Variants in COL4A2 observed in about 807,000 individuals in gnomAD.
The protein encoded by COL4A2 is collagen alpha-2(IV) chain.
A neutral mutation model predicts 200.2 loss-of-function variants in COL4A2; 99 were observed. That is an observed-to-expected ratio of 0.49 (90% CI 0.42 to 0.58). COL4A2 has a LOEUF of 0.58. Ranked by LOEUF, COL4A2 falls within the 20% of genes least tolerant of loss-of-function variation. The pLI is 0.00. For missense variants in COL4A2, 1,950 were observed against 2,314.1 expected (o/e 0.84, Z 3.23); for synonymous variants, 897 against 900.6 (o/e 1.00, Z 0.07).
At chr13:110,468,855 CCTT>C (rs1882352888) in intron 27 of COL4A2, among the ~76,000 whole-genome samples, 1 of 152,176 alleles carries the variant, frequency 6.6e-6, no homozygotes, top group Admixed American at 6.5e-5. Context: ...GGCAGGCGAT[CCTT>C]CTCCCCACTT....
intron 11 of COL4A2, among the ~76,000 whole-genome samples, chr13:110,433,333 C>G (rs1342565927): frequency 6.6e-6 from 1 of 152,234 alleles, no homozygotes; most frequent in Non-Finnish European, 1.5e-5. Flanking sequence ...AAGCCCTGAG[C>G]CCAGGCGTGA....
intron 3 of COL4A2, among the ~76,000 whole-genome samples, chr13:110,352,385 C>A (rs1353168575): frequency 1.3e-5 from 2 of 152,206 alleles, no homozygotes; most frequent in African/African-American, 4.8e-5. Context: ...GCAGCTCTTA[C>A]CAGAATTTAA....
intron 45 of COL4A2, among the ~76,000 whole-genome samples, chr13:110,504,932 A>G (rs1883789333): frequency 6.6e-6 from 1 of 151,988 alleles, no homozygotes; most frequent in Non-Finnish European, 1.5e-5. Context: ...AATTATTTGC[A>G]CATATACAGA....
intron 20 of COL4A2, chr13:110,456,903 C>A (rs765165870): frequency 2.1e-6 from 1 of 478,230 alleles, no homozygotes; most frequent in Non-Finnish European, 4.1e-6. Context: ...TGATGCCGTG[C>A]GTCTGCGTGG....
intron 4 of COL4A2, among the ~76,000 whole-genome samples, chr13:110,365,517 A>C (rs1432483270): frequency 6.6e-6 from 1 of 152,180 alleles, no homozygotes; most frequent in Non-Finnish European, 1.5e-5. Context: ...TTTGTCACAA[A>C]GGGCTCTGTG....
At chr13:110,373,123 A>G (rs999387552) in intron 4 of COL4A2, among the ~76,000 whole-genome samples, 3 of 152,256 alleles carry the variant, frequency 2.0e-5, no homozygotes, top group Admixed American at 1.3e-4. Flanking sequence ...TTTTTCTGCC[A>G]GCACTATGAA....
intron 38 of COL4A2, 55 bp downstream of exon 38, chr13:110,492,232 G>C: frequency 6.8e-7 from 1 of 1,466,524 alleles, no homozygotes; most frequent in Non-Finnish European, 9.3e-7. Context: ...GGCTGTGCAG[G>C]AGGCACCGCT....
At chr13:110,471,383 T>C (rs2391832) in intron 28 of COL4A2, among the ~76,000 whole-genome samples, 70,922 of 151,992 alleles carry the variant, frequency 0.47, 16,857 homozygotes, top group East Asian at 0.6. Context: ...TGGGTGGTGA[T>C]TGAGGAACTG....
At chr13:110,410,327 G>A (rs1170034522) in intron 4 of COL4A2, among the ~76,000 whole-genome samples, 2 of 152,160 alleles carry the variant, frequency 1.3e-5, no homozygotes, top group African/African-American at 4.8e-5. Context: ...AATTCCACAT[G>A]TTCACGGTCA....
At chr13:110,430,933 A>G in intron 10 of COL4A2, 1 of 532,154 alleles carries the variant, frequency 1.9e-6, no homozygotes, top group Non-Finnish European at 3.6e-6. Context: ...AAGGCAAACC[A>G]AAGTCCCACA....
At chr13:110,481,082 GT>G (rs1359023646) in intron 31 of COL4A2, among the ~76,000 whole-genome samples, 3 of 43,228 alleles carry the variant, frequency 6.9e-5, no homozygotes, top group African/African-American at 2.5e-4. Flanking sequence ...CTGTCCCTCC[GT>G]TGCTGGAGAC....
chr13:110,427,672 T>C (rs184917550), intron 6 of COL4A2, among the ~76,000 whole-genome samples: 31 of 152,358 alleles, frequency 2.0e-4, no homozygotes, highest in African/African-American at 6.0e-4. Flanking sequence ...TATAGATTAT[T>C]AACCCAGCCC....
intron 3 of COL4A2, among the ~76,000 whole-genome samples, 174 bp from the exon 4 acceptor site, chr13:110,357,298 T>C (rs2139388302): frequency 6.6e-6 from 1 of 152,312 alleles, no homozygotes. Flanking sequence ...TCGATTTTGC[T>C]GTGCACCAAA....
rs1490674850 is a variant in COL4A2, at chr13:110,385,897, AGGCCGTGGTTACAGCGTGTGGATG to A, written c.180+28379_180+28402del. On this transcript the variant is annotated intron_variant, in intron 4 of 47. Coordinates refer to ENST00000360467, the MANE Select transcript of COL4A2 (RefSeq NM_001846.4). ...TGGGCCGTGGTTACAGCGTGTGGATAGGCCGTGGTTACAGCGTGTGGATGGGCCGTGGTTACAGCGTGTGGATGG... is the reference window on the plus strand; with the variant it reads ...TGGGCCGTGGTTACAGCGTGTGGATAGGCCGTGGTTACAGCGTGTGGATGG... 8.6e-5 allele frequency among the ~76,000 whole-genome samples: 3 copies of A among 34,852 alleles called. 1 individual carries two copies. Among genetic ancestry groups the A allele is most frequent in the African/African-American group, 3.0e-4 (3 of 9,944 alleles). The allele number at this position is 34,852 out of a possible 152,430, so 22.9% of individuals were successfully genotyped here. A position where few individuals can be genotyped will look rare whatever the true frequency, so the allele number is the denominator to read the frequency against.
In COL4A2 at chr13:110,503,126, C is replaced by T. The variant is rs187526694; in HGVS notation, c.3883C>T (p.Arg1295Trp). 197 of 1,613,462 alleles carry T rather than the reference C, an allele frequency of 1.2e-4. 1 individual carries two copies. The African/African-American group carries it at 2.1e-3, about 17-fold the overall frequency. ...APGIFGLKGY[R>W]GPPGPPGSAA... ...CTTGTCCCTAATGCCAACAGGTTAT[C>T]GGGGCCCACCAGGGCCACCAGGTTC... The change falls in exon 42 of 48, where the codon CGG (arginine) becomes TGG (tryptophan). Residue 1295 changes from arginine (R) to tryptophan (W), a missense_variant. By Grantham distance (101) the Arg-to-Trp change is moderately radical. This residue lies in a region of COL4A2 where 1,385 missense variants were observed against 1,720.5 expected (regional missense o/e 0.80). Transcript: ENST00000360467.
intron 4 of COL4A2, among the ~76,000 whole-genome samples, chr13:110,362,040 T>TAC (rs1283055143): frequency 6.6e-6 from 1 of 152,224 alleles, no homozygotes; most frequent in Non-Finnish European, 1.5e-5. Flanking sequence ...TCTGTGTCCG[T>TAC]ACTCCTCTTC....
At chr13:110,352,279 G>A (rs137887791) in intron 3 of COL4A2, among the ~76,000 whole-genome samples, 236 of 152,300 alleles carry the variant, frequency 1.5e-3, no homozygotes, top group Non-Finnish European at 2.7e-3. Context: ...GCCCTAGGGC[G>A]CAGGCCTGAA....
At chr13:110,432,289 A>T in intron 10 of COL4A2, 36 bp from the exon 11 acceptor site, 1 of 1,590,346 alleles carries the variant, frequency 6.3e-7, no homozygotes, top group South Asian at 1.2e-5. Context: ...CCTGGGGTAA[A>T]GAAAACCATT....
Position 110,485,020 on chromosome 13 carries a change from C to T in COL4A2, c.3018C>T (p.Gly1006=), listed in dbSNP as rs761092114. ...EGPMGLKGYL[G]AKGIQGMPGI... ...CTATGGGGCTGAAAGGATACCTGGG[C>T]GCAAAAGGTGAGGCTTCTGACCTGC... is the stretch of plus-strand genomic sequence containing the variant. Residue 1006 remains glycine, a synonymous_variant, in exon 33 of 48, where the codon GGC becomes GGT. Transcript: ENST00000360467. 61 of 1,597,096 alleles carry T rather than the reference C, an allele frequency of 3.8e-5. No individual in the cohort carries two copies. The highest frequency in any genetic ancestry group is 1.7e-4 in the Middle Eastern group (1 of 5,986).
Sources: gnomAD v4.1 joint callset for allele counts (sites outside exome capture counted in the v4.1 genomes callset) on GRCh38, gnomAD v4.1.1 for gene constraint, gnomAD v4.1.1 regional missense constraint, MANE v1.5 for transcripts, NCBI Gene and HGNC (gene_info 2026-07-23, HGNC 2026-07-21) for gene names.